MCAT: variants seen among roughly 807,000 people sequenced by gnomAD.
MCAT encodes the protein malonyl-CoA-acyl carrier protein transacylase.
A neutral mutation model predicts 22.9 loss-of-function variants in MCAT; 22 were observed. The observed-to-expected ratio is 0.96, with a 90% CI of 0.69 to 1.37. The LOEUF (loss-of-function observed/expected upper bound fraction) is 1.37, where lower values mean the gene tolerates loss of function less well. Ranked by LOEUF, MCAT falls within the 40% of genes most tolerant of loss-of-function variation. The probability of loss-of-function intolerance (pLI) is 0.00; values close to 1 mark genes in which losing one functional copy is unlikely to be tolerated. For synonymous variants in MCAT, 240 were observed against 233.9 expected, an observed-to-expected ratio of 1.03 and a Z score of -0.24; for missense variants, 534 against 533.6, an observed-to-expected ratio of 1.00 and a Z score of -0.01.
intron 2 of MCAT, chr22:43,140,715 TC>T (rs747020647): frequency 4.9e-5 from 8 of 162,980 alleles, no homozygotes; most frequent in Non-Finnish European, 8.1e-5. Context: ...GGTCTGGAAC[TC>T]CTGGCCTCAA....
At chr22:43,135,514 A>AT (rs1016515390) in intron 3 of MCAT, among the ~76,000 whole-genome samples, 1 of 146,414 alleles carries the variant, frequency 6.8e-6, no homozygotes, top group Non-Finnish European at 1.5e-5. Context: ...AAAAAACAAA[A>AT]AAAAAAAAAA....
Position 43,133,337 on chromosome 22 carries a change from A to G in MCAT, c.879T>C (p.Pro293=). The G allele has an allele frequency of 6.2e-7, 1 of 1,614,150 alleles. No homozygotes were observed. Among genetic ancestry groups the G allele is most frequent in the Non-Finnish European group, 8.5e-7 (1 of 1,180,022 alleles). The change falls in exon 4 of 4, where the codon CCT becomes CCC. Residue 293 remains proline, a synonymous_variant. Transcript: ENST00000290429. ...GGACGTTGGAGTAGACAGAAACCAGAGGCTTCTTAATGTCGACTGCCTTTA... is the reference window on the plus strand; with the variant it reads ...GGACGTTGGAGTAGACAGAAACCAGGGGCTTCTTAATGTCGACTGCCTTTA... The part of the protein sequence containing the change: ...QALKAVDIKK[P]LVSVYSNVHA...
intron 3 of MCAT, among the ~76,000 whole-genome samples, chr22:43,135,001 G>A (rs747788544): frequency 2.0e-5 from 3 of 152,226 alleles, no homozygotes; most frequent in Non-Finnish European, 4.4e-5. Context: ...CTCAACAGCT[G>A]AGCCCTCTCA....
In MCAT at chr22:43,143,098, T is replaced by TAG. The variant is rs1930828035; in HGVS notation, c.249_250dup (p.Tyr84SerfsTer23). 6.2e-7 allele frequency: 1 copy of TAG among 1,605,050 alleles called. No homozygotes were observed. The highest frequency in any genetic ancestry group is 1.7e-5 in the Admixed American group (1 of 59,656). On this transcript the variant is annotated frameshift_variant, in exon 1 of 4. Transcript: ENST00000290429. LOFTEE classifies it high-confidence loss of function. ...GGCGTAGAGTTCGCGGACGCGCGGG[T>TAG]AGTTGAGCAGACCGCGGCCCATGCC...
At chr22:43,135,570 G>A (rs1930584961) in intron 3 of MCAT, among the ~76,000 whole-genome samples, 1 of 151,360 alleles carries the variant, frequency 6.6e-6, no homozygotes, top group Non-Finnish European at 1.5e-5. Context: ...TAGACTGGGT[G>A]CACCTGTCTG....
At chr22:43,139,109 C>T (rs1206956170) in intron 2 of MCAT, among the ~76,000 whole-genome samples, 5 of 152,022 alleles carry the variant, frequency 3.3e-5, no homozygotes, top group African/African-American at 1.2e-4. Context: ...AAAACTCTGT[C>T]TCTTAAAAAA....
chr22:43,137,134 C>T lies in MCAT; in HGVS notation c.676G>A (p.Glu226Lys). 6.2e-7 allele frequency: 1 copy of T among 1,614,154 alleles called. No individual in the cohort carries two copies. The change falls in exon 3 of 4, where the codon GAA (glutamate) becomes AAA (lysine). Residue 226 changes from glutamate to lysine, a missense_variant. Transcript: ENST00000290429. ...TCTGGAAAGAGGTAGTTGGACACTTCACATACGGGGTTCTCTATGCCTAAA... is the reference window on the plus strand; with the variant it reads ...TCTGGAAAGAGGTAGTTGGACACTTTACATACGGGGTTCTCTATGCCTAAA... ...KSLGIENPVC[E>K]VSNYLFPDCR...
intron 1 of MCAT, among the ~76,000 whole-genome samples, 174 bp from the exon 2 acceptor site, chr22:43,141,423 G>A (rs1930765760): frequency 6.6e-6 from 1 of 152,156 alleles, no homozygotes; most frequent in Non-Finnish European, 1.5e-5. Context: ...ATTGAGTCCT[G>A]CCCCTTTATT....
At chr22:43,134,575 A>G (rs1484216227) in intron 3 of MCAT, among the ~76,000 whole-genome samples, 2 of 152,104 alleles carry the variant, frequency 1.3e-5, no homozygotes, top group Non-Finnish European at 2.9e-5. Flanking sequence ...CCTGGCCTCA[A>G]GTCATCCACC....
At chr22:43,141,115 T>C (rs1930754927) in intron 2 of MCAT, 47 bp downstream of exon 2, 1 of 1,546,570 alleles carries the variant, frequency 6.5e-7, no homozygotes, top group African/African-American at 1.4e-5. Flanking sequence ...TTACCCCTAA[T>C]GAGCCCAAGA....
chr22:43,133,278 T>C lies in MCAT; in HGVS notation c.938A>G (p.His313Arg), dbSNP rs1930505515. 3 of 1,614,062 alleles carry C rather than the reference T, an allele frequency of 1.9e-6. No individual in the cohort carries two copies. Among genetic ancestry groups the C allele is most frequent in the Non-Finnish European group, 2.5e-6 (3 of 1,180,026 alleles). Reference sequence around the variant, plus strand: ...GACCAGCTGCTGGGCCAGCAGCTTGTGGATGTGCCCGGGATGCCTGTATCT... The same window carrying C: ...GACCAGCTGCTGGGCCAGCAGCTTGCGGATGTGCCCGGGATGCCTGTATCT... Reference protein sequence around the residue: ...AHRYRHPGHIHKLLAQQLVSP... With the variant: ...AHRYRHPGHIRKLLAQQLVSP... The change falls in exon 4 of 4, where the codon CAC becomes CGC. Residue 313 changes from histidine to arginine, a missense_variant. Transcript: ENST00000290429.
chr22:43,133,739 A>G (rs757019886), intron 3 of MCAT, among the ~76,000 whole-genome samples: 2 of 146,942 alleles, frequency 1.4e-5, no homozygotes, highest in Non-Finnish European at 2.9e-5. Context: ...CAAACCCTAC[A>G]AGGCATGCAA....
intron 2 of MCAT, among the ~76,000 whole-genome samples, chr22:43,140,065 T>C (rs1020705026): frequency 6.6e-6 from 1 of 152,216 alleles, no homozygotes; most frequent in South Asian, 2.1e-4. Flanking sequence ...GGGGTATTCA[T>C]AATGTTGTAC....
intron 3 of MCAT, 129 bp downstream of exon 3, chr22:43,136,952 G>T: frequency 3.9e-6 from 3 of 778,402 alleles, no homozygotes; most frequent in Non-Finnish European, 4.5e-6. Flanking sequence ...CACTGCCCTG[G>T]CCCCAAAATA....
rs1193453161 is a variant in MCAT at position 43,143,106 on chromosome 22, C to T, written c.243G>A (p.Leu81=). 15 of 1,604,010 alleles carry T rather than the reference C, an allele frequency of 9.4e-6. No individual in the cohort carries two copies. Among genetic ancestry groups the T allele is most frequent in the Non-Finnish European group, 1.2e-5 (14 of 1,178,522 alleles). ...GTTCGCGGACGCGCGGGTAGTTGAG[C>T]AGACCGCGGCCCATGCCCACCACCT... The part of the protein sequence containing the change: ...GSQVVGMGRG[L]LNYPRVRELY... The change falls in exon 1 of 4, where the codon CTG becomes CTA. Residue 81 remains leucine (L), a synonymous_variant. Transcript: ENST00000290429.
intron 2 of MCAT, among the ~76,000 whole-genome samples, chr22:43,139,068 C>T (rs1422070999): frequency 6.6e-6 from 1 of 152,138 alleles, no homozygotes; most frequent in Non-Finnish European, 1.5e-5. Context: ...GCTATGGTTG[C>T]ATCACTGCAC....
chr22:43,141,103 C>T (rs763047524), intron 2 of MCAT, 59 bp downstream of exon 2: 9 of 1,441,324 alleles, frequency 6.2e-6, no homozygotes, highest in East Asian at 2.3e-5. Context: ...TGGCAGTGTC[C>T]CTTACCCCTA....
rs1446499434 is a variant in MCAT at position 43,137,087 on chromosome 22, G to A, written c.723C>T (p.His241=). The change falls in exon 3 of 4, where the codon CAC becomes CAT. Residue 241 remains histidine, a synonymous_variant. Coordinates refer to ENST00000290429, the MANE Select transcript of MCAT (RefSeq NM_173467.5). ...LFPDCRVISG[H]QEALRFLQKN... ...AGTTCCCATCAACACCCACCTCTTG[G>A]TGTCCTGAAATCACCCTGCAATCTG... is the stretch of plus-strand genomic sequence containing the variant. 2 of 1,614,004 alleles carry A rather than the reference G, an allele frequency of 1.2e-6. No homozygotes were observed. Among genetic ancestry groups the A allele is most frequent in the South Asian group, 2.2e-5 (2 of 91,074 alleles).
Position 43,143,062 on chromosome 22 carries a change from C to G in MCAT, c.287G>C (p.Arg96Pro), listed in dbSNP as rs747010224. 1 of 1,608,928 alleles carries G rather than the reference C, an allele frequency of 6.2e-7. No homozygotes were observed. The highest frequency in any genetic ancestry group is 8.5e-7 in the Non-Finnish European group (1 of 1,179,074). ...RVRELYAAARRVLGYDLLELS... is the reference protein window; with the variant it reads ...RVRELYAAARPVLGYDLLELS... ...TTCCAGCAGGTCGTAGCCCAGCACG[C>G]GGCGGGCGGCGGCGTAGAGTTCGCG... Residue 96 changes from arginine to proline, a missense_variant, in exon 1 of 4, where the codon CGC becomes CCC. Coordinates refer to ENST00000290429, the MANE Select transcript of MCAT (RefSeq NM_173467.5).
Sources: gnomAD v4.1 joint callset for allele counts (sites outside exome capture counted in the v4.1 genomes callset) on GRCh38, gnomAD v4.1.1 for gene constraint, MANE v1.5 for transcripts, NCBI Gene and HGNC (gene_info 2026-07-23, HGNC 2026-07-21) for gene names.